The following ZNF469 variants were observed in gnomAD, a reference collection of about 807,000 sequenced individuals.
ZNF469 encodes zinc finger protein 469.
In ZNF469, 1 loss-of-function variant was observed where a neutral mutation model predicts 1.0. That is an observed-to-expected ratio of 1.00 (90% confidence interval 0.35 to 4.73). The LOEUF is 4.73. Among genes scored for constraint, ZNF469 ranks in the 30% most tolerant of loss-of-function variants. The pLI is 0.16. For synonymous variants in ZNF469, 2,703 were observed against 2,363.4 expected (o/e 1.14, Z -4.17); for missense variants, 6,100 against 5,356.3 (o/e 1.14, Z -4.33).
chr16:88,344,175 C>T, the ZNF469 span, among the ~76,000 whole-genome samples: 9 of 151,450 alleles, frequency 5.9e-5, no homozygotes, highest in East Asian at 1.9e-4. Flanking sequence ...GAATTTGTCA[C>T]GGCCCAGAGG....
the ZNF469 span, among the ~76,000 whole-genome samples, chr16:88,336,458 C>G: frequency 2.0e-5 from 3 of 151,600 alleles, no homozygotes; most frequent in African/African-American, 7.3e-5. Flanking sequence ...ACGTGAGACA[C>G]TAACATGCCA....
the ZNF469 span, among the ~76,000 whole-genome samples, chr16:88,332,247 C>T: frequency 6.6e-6 from 1 of 152,234 alleles, no homozygotes; most frequent in Non-Finnish European, 1.5e-5. Context: ...TCCAAGTGCA[C>T]TACCCCATTA....
At chr16:88,405,893 C>T (rs1472540) in intron 1 of ZNF469, among the ~76,000 whole-genome samples, 146,982 of 152,360 alleles carry the variant, frequency 0.96, 71,042 homozygotes, top group Non-Finnish European at 1. Flanking sequence ...CAAGACGGTT[C>T]CTGCGTCCTC....
rs1401154628 is a variant in ZNF469 at position 88,430,184 on chromosome 16, C to T, written c.2714C>T (p.Thr905Met). The change falls in exon 3 of 3, where the codon ACG (threonine) becomes ATG (methionine). Residue 905 changes from threonine (T) to methionine (M), a missense_variant. Transcript: ENST00000565624. The part of the protein sequence containing the change: ...SKAPPPLPAA[T>M]PDPQTPRPGD... ...GCTCCGCCCCCGCTCCCAGCAGCCA[C>T]GCCGGACCCCCAAACCCCCCGCCCT... 7.1e-6 allele frequency: 11 copies of T among 1,547,880 alleles called. No individual in the cohort carries two copies. The highest frequency in any genetic ancestry group is 8.7e-6 in the Non-Finnish European group (10 of 1,145,416).
the ZNF469 span, among the ~76,000 whole-genome samples, chr16:88,128,478 A>C: frequency 3.3e-5 from 5 of 152,208 alleles, no homozygotes; most frequent in African/African-American, 1.2e-4. Context: ...TCCTCCATGA[A>C]GTGGCACCAT....
At chr16:88,289,299 G>A in the ZNF469 span, among the ~76,000 whole-genome samples, 2 of 150,228 alleles carry the variant, frequency 1.3e-5, no homozygotes, top group African/African-American at 5.0e-5. Context: ...TGATGATGGT[G>A]ATGAGGATGA....
the ZNF469 span, among the ~76,000 whole-genome samples, chr16:88,143,923 C>T: frequency 0.66 from 99,797 of 151,992 alleles, 33,974 homozygotes; most frequent in Non-Finnish European, 0.76. Flanking sequence ...CCTTCCTCTT[C>T]GCAAGGACAC....
chr16:88,405,867 T>C (rs559591571), intron 1 of ZNF469, among the ~76,000 whole-genome samples: 5 of 152,116 alleles, frequency 3.3e-5, no homozygotes, highest in Non-Finnish European at 7.4e-5. Context: ...CGGAAAAGCC[T>C]CTGCAGTTAG....
chr16:88,208,523 GGAGA>G, the ZNF469 span, among the ~76,000 whole-genome samples: 1 of 89,504 alleles, frequency 1.1e-5, no homozygotes, highest in Non-Finnish European at 2.3e-5. Flanking sequence ...TGGGAGGGTG[GGAGA>G]GAGAGAGGGA....
the ZNF469 span, among the ~76,000 whole-genome samples, chr16:88,274,949 A>G: frequency 6.6e-6 from 1 of 152,164 alleles, no homozygotes; most frequent in African/African-American, 2.4e-5. Flanking sequence ...ACGCTTGGAC[A>G]CTCGCTCGCA....
chr16:88,296,151 G>C, the ZNF469 span, among the ~76,000 whole-genome samples: 11 of 152,146 alleles, frequency 7.2e-5, no homozygotes, highest in African/African-American at 2.7e-4. Context: ...GAGTGGCCCT[G>C]ACAGACCCTG....
At chr16:88,305,202 A>G in the ZNF469 span, among the ~76,000 whole-genome samples, 23 of 152,310 alleles carry the variant, frequency 1.5e-4, no homozygotes, top group Non-Finnish European at 1.2e-4. Context: ...TGTGCAGGAA[A>G]TGTCAGTGCA....
the ZNF469 span, among the ~76,000 whole-genome samples, chr16:88,335,827 C>A: frequency 6.6e-6 from 1 of 152,020 alleles, no homozygotes; most frequent in South Asian, 2.1e-4. Context: ...TGCGCCAATA[C>A]CACACATGTT....
At chr16:88,173,130 T>C in the ZNF469 span, among the ~76,000 whole-genome samples, 1 of 152,184 alleles carries the variant, frequency 6.6e-6, no homozygotes, top group Admixed American at 6.5e-5. Context: ...ATAAATCCCA[T>C]GTAGAATAAA....
chr16:88,285,035 T>A, the ZNF469 span, among the ~76,000 whole-genome samples: 19 of 152,300 alleles, frequency 1.2e-4, no homozygotes, highest in African/African-American at 4.6e-4. Flanking sequence ...TAGGGCCGGG[T>A]CTCAGGTTCC....
At chr16:88,147,490 G>A in the ZNF469 span, among the ~76,000 whole-genome samples, 1 of 152,158 alleles carries the variant, frequency 6.6e-6, no homozygotes, top group East Asian at 1.9e-4. Context: ...TGGAATCCCA[G>A]CCCCCAGGGG....
chr16:88,399,804 C>A (rs946637154), intron 1 of ZNF469, among the ~76,000 whole-genome samples: 1 of 152,246 alleles, frequency 6.6e-6, no homozygotes, highest in Non-Finnish European at 1.5e-5. Flanking sequence ...CCCAATCTCG[C>A]AGGAGTGCAC....
the ZNF469 span, among the ~76,000 whole-genome samples, chr16:88,251,404 A>G: frequency 6.6e-6 from 1 of 152,074 alleles, no homozygotes; most frequent in Non-Finnish European, 1.5e-5. Flanking sequence ...TGTAGATGCT[A>G]TGTCGGCAGC....
chr16:88,136,456 C>T, the ZNF469 span, among the ~76,000 whole-genome samples: 4 of 152,212 alleles, frequency 2.6e-5, no homozygotes, highest in Non-Finnish European at 5.9e-5. Flanking sequence ...GTCCAGATGG[C>T]GGCAGCAGGG....
Sources: gnomAD v4.1 joint callset for allele counts (sites outside exome capture counted in the v4.1 genomes callset) on GRCh38, gnomAD v4.1.1 for gene constraint, MANE v1.5 for transcripts, NCBI Gene and HGNC (gene_info 2026-07-23, HGNC 2026-07-21) for gene names.